The following MAPK4 variants were observed in gnomAD, a reference collection of about 807,000 sequenced individuals.
The protein encoded by MAPK4 is mitogen-activated protein kinase 4.
MAPK4 carries 22 observed loss-of-function variants against 47.7 expected under a neutral mutation model. The ratio of observed to expected loss-of-function variants is 0.46; its 90% CI spans 0.33 to 0.66. The LOEUF (loss-of-function observed/expected upper bound fraction) is 0.66, where lower values mean the gene tolerates loss of function less well. Ranked by LOEUF, MAPK4 falls within the 30% of genes least tolerant of loss-of-function variation. MAPK4 has a pLI of 0.02. For synonymous variants in MAPK4, 390 were observed against 365.7 expected, an observed-to-expected ratio of 1.07 and a Z score of -0.76; for missense variants, 736 against 831.7, an observed-to-expected ratio of 0.88 and a Z score of 1.42.
intron 1 of MAPK4, among the ~76,000 whole-genome samples, chr18:50,576,499 G>A (rs975242096): frequency 6.6e-6 from 1 of 152,148 alleles, no homozygotes; most frequent in Non-Finnish European, 1.5e-5. Flanking sequence ...TAGAGGGAGG[G>A]AAGAGGATGA....
intron 1 of MAPK4, 138 bp downstream of exon 1, chr18:50,560,381 C>T (rs952713102): frequency 6.6e-6 from 1 of 152,218 alleles, no homozygotes; most frequent in Non-Finnish European, 1.5e-5. Flanking sequence ...AATAAGCCCC[C>T]CAGGCCAAGC....
intron 1 of MAPK4, among the ~76,000 whole-genome samples, chr18:50,561,675 T>G (rs1244875353): frequency 6.6e-6 from 1 of 152,166 alleles, no homozygotes; most frequent in African/African-American, 2.4e-5. Flanking sequence ...TTCAACTCCT[T>G]TAGTGACCTG....
At chr18:50,604,551 T>TA (rs1329979025) in intron 1 of MAPK4, among the ~76,000 whole-genome samples, 1 of 152,226 alleles carries the variant, frequency 6.6e-6, no homozygotes, top group African/African-American at 2.4e-5. Flanking sequence ...GTTTTATAGA[T>TA]ACATGTGAGA....
intron 2 of MAPK4, among the ~76,000 whole-genome samples, chr18:50,704,302 G>A (rs1157286870): frequency 6.6e-6 from 1 of 152,130 alleles, no homozygotes; most frequent in East Asian, 1.9e-4. Context: ...TTGAGCTCAG[G>A]AGTTCGAGAC....
At chr18:50,679,740 C>T (rs1350353807) in intron 2 of MAPK4, among the ~76,000 whole-genome samples, 1 of 152,188 alleles carries the variant, frequency 6.6e-6, no homozygotes, top group African/African-American at 2.4e-5. Context: ...TGGAGGCGCT[C>T]GGGCTTCCGC....
chr18:50,609,538 G>A lies in MAPK4; in HGVS notation c.-871+49295G>A, dbSNP rs184070043. Among the ~76,000 whole-genome samples the A allele has an allele frequency of 6.2e-4, 95 of 152,264 alleles. No homozygotes were observed. In the East Asian group the frequency reaches 0.015, roughly 25 times the overall value. ...AGGAGATTTAAACACAGGTGTTTGT[G>A]ACGAGAATGCACTCCTTCTACTTTG... is the stretch of plus-strand genomic sequence containing the variant. On this transcript the variant is annotated intron_variant, in intron 1 of 5. Coordinates refer to ENST00000400384, the MANE Select transcript of MAPK4 (RefSeq NM_002747.4).
intron 1 of MAPK4, among the ~76,000 whole-genome samples, chr18:50,623,645 G>C (rs1568049681): frequency 1.3e-5 from 2 of 152,136 alleles, no homozygotes; most frequent in Non-Finnish European, 2.9e-5. Flanking sequence ...TCCAATTATT[G>C]TGGGGAACTG....
At chr18:50,598,020 C>T (rs1315808278) in intron 1 of MAPK4, among the ~76,000 whole-genome samples, 1 of 152,112 alleles carries the variant, frequency 6.6e-6, no homozygotes, top group South Asian at 2.1e-4. Flanking sequence ...TTTTTTAGTC[C>T]CTCTGTGTTT....
chr18:50,707,444 C>A (rs1009192993), intron 2 of MAPK4, among the ~76,000 whole-genome samples: 1 of 151,968 alleles, frequency 6.6e-6, no homozygotes, highest in African/African-American at 2.4e-5. Context: ...GTGGCCCGCA[C>A]CTGTAGTCCC....
intron 1 of MAPK4, among the ~76,000 whole-genome samples, chr18:50,609,997 A>AT (rs1205347925): frequency 1.3e-5 from 2 of 151,138 alleles, no homozygotes; most frequent in Non-Finnish European, 1.5e-5. Context: ...GGGTACTGTT[A>AT]TTATACCCAT....
At chr18:50,623,406 G>C (rs1174700989) in intron 1 of MAPK4, among the ~76,000 whole-genome samples, 1 of 152,196 alleles carries the variant, frequency 6.6e-6, no homozygotes, top group East Asian at 1.9e-4. Flanking sequence ...CCACTTTCCT[G>C]TCTGTGTAAA....
intron 1 of MAPK4, among the ~76,000 whole-genome samples, chr18:50,620,414 C>T (rs1429690057): frequency 1.3e-5 from 2 of 152,168 alleles, no homozygotes; most frequent in Admixed American, 6.5e-5. Flanking sequence ...TTTTAGTTCT[C>T]CTCATTAGAA....
chr18:50,725,607 T>C (rs1911148713), intron 4 of MAPK4, among the ~76,000 whole-genome samples: 1 of 152,102 alleles, frequency 6.6e-6, no homozygotes, highest in South Asian at 2.1e-4. Context: ...CTTGTTCTGG[T>C]TCCCCCTCAC....
chr18:50,593,380 G>A (rs571384848), intron 1 of MAPK4, among the ~76,000 whole-genome samples: 1 of 152,244 alleles, frequency 6.6e-6, no homozygotes, highest in Admixed American at 6.5e-5. Context: ...CATCCTCCAG[G>A]TGCTTCCTCT....
At chr18:50,641,228 G>C (rs907171105) in intron 1 of MAPK4, among the ~76,000 whole-genome samples, 1 of 152,132 alleles carries the variant, frequency 6.6e-6, no homozygotes, top group African/African-American at 2.4e-5. Context: ...AGGGCTGGAC[G>C]ATTATCAGTA....
intron 1 of MAPK4, among the ~76,000 whole-genome samples, chr18:50,634,752 C>T (rs1201837531): frequency 1.3e-5 from 2 of 152,124 alleles, no homozygotes; most frequent in East Asian, 3.8e-4. Flanking sequence ...GTTTAATATC[C>T]AAATAATATT....
Position 50,715,084 on chromosome 18 carries a change from T to A in MAPK4, c.552T>A (p.Tyr184Ter). The change falls in exon 3 of 6, where the codon TAT (tyrosine) becomes TAA (stop). Residue 184 changes from tyrosine (Y) to a stop codon, truncating the protein, a stop_gained. Coordinates refer to ENST00000400384, the MANE Select transcript of MAPK4 (RefSeq NM_002747.4). LOFTEE classifies it high-confidence loss of function. ...IVDQHYSHKG[Y>*]LSEGLVTKWY... ...CCAGAAATTTTGTCTTTCAGGGTTA[T>A]CTGTCAGAAGGGTTGGTAACAAAGT... The A allele has an allele frequency of 6.2e-7, 1 of 1,613,624 alleles. No individual in the cohort carries two copies. Among genetic ancestry groups the A allele is most frequent in the Non-Finnish European group, 8.5e-7 (1 of 1,179,926 alleles).
intron 2 of MAPK4, among the ~76,000 whole-genome samples, chr18:50,675,446 A>G (rs1038405853): frequency 6.6e-6 from 1 of 151,264 alleles, no homozygotes; most frequent in African/African-American, 2.4e-5. Context: ...CCTCCCAAGT[A>G]GCTGGGACTA....
rs147053161 is a variant in MAPK4, at chr18:50,704,281, G to A, written c.547-10798G>A. Among the ~76,000 whole-genome samples the A allele has an allele frequency of 3.6e-3, 545 of 152,246 alleles. 6 individuals are homozygous for A. The highest frequency in any genetic ancestry group is 3.1e-3 in the Non-Finnish European group (212 of 68,016). ...TCCTAGCACTTTGGGAGGCTGAGGCGGGTGCAATGCTTGAGCTCAGGAGTT... is the reference window on the plus strand; with the variant it reads ...TCCTAGCACTTTGGGAGGCTGAGGCAGGTGCAATGCTTGAGCTCAGGAGTT... On this transcript the variant is annotated intron_variant, in intron 2 of 5. Coordinates refer to ENST00000400384, the MANE Select transcript of MAPK4 (RefSeq NM_002747.4).
Sources: allele counts gnomAD v4.1 joint callset (sites outside exome capture counted in the v4.1 genomes callset), GRCh38; gene constraint gnomAD v4.1.1; transcripts MANE v1.5; gene names NCBI Gene and HGNC (gene_info 2026-07-23, HGNC 2026-07-21).